The following CASP6 variants were observed in gnomAD, a reference collection of about 807,000 sequenced individuals.
The protein encoded by CASP6 is caspase-6.
CASP6 carries 20 observed loss-of-function variants against 31.8 expected under a neutral mutation model. That is an observed-to-expected ratio of 0.63 (90% CI 0.44 to 0.91). CASP6 has a LOEUF of 0.91. Ranked by LOEUF, CASP6 falls within the 40% of genes least tolerant of loss-of-function variation. The pLI, the probability that CASP6 is intolerant of heterozygous loss-of-function variation, is 0.00. For missense variants in CASP6, 328 were observed against 361.1 expected (o/e 0.91, Z 0.74); for synonymous variants, 130 against 127.8 (o/e 1.02, Z -0.12).
At chr4:109,703,604 C>T (rs945973405), upstream of CASP6, 7 of 610,660 alleles carry the variant, frequency 1.1e-5, no homozygotes, top group Middle Eastern at 4.5e-4. Context: ...GCTCCGGAGC[C>T]CGCGGGGACC....
chr4:109,704,904 A>G (rs908389395), upstream of CASP6, among the ~76,000 whole-genome samples: 1 of 152,164 alleles, frequency 6.6e-6, no homozygotes, highest in African/African-American at 2.4e-5. Context: ...GAGTTTCACC[A>G]TGTTTGGCCA....
downstream of CASP6, chr4:109,688,594 A>G (rs934632382): frequency 5.9e-5 from 9 of 152,244 alleles, no homozygotes; most frequent in African/African-American, 2.2e-4. Flanking sequence ...ACACAAATGA[A>G]CAAGAATGTG....
At chr4:109,696,565 C>T in intron 3 of CASP6, 79 bp from the exon 4 acceptor site, 1 of 872,826 alleles carries the variant, frequency 1.1e-6, no homozygotes, top group Non-Finnish European at 1.8e-6. Context: ...AGAATCTATA[C>T]ACATTTTAAC....
the CASP6 span, chr4:109,664,530 T>A: frequency 1.8e-6 from 1 of 556,280 alleles, no homozygotes; most frequent in Non-Finnish European, 3.2e-6. Flanking sequence ...GCTCAAACAA[T>A]CCTCCCACCT....
chr4:109,690,482 A>G (rs1402584543), intron 6 of CASP6, among the ~76,000 whole-genome samples: 2 of 151,786 alleles, frequency 1.3e-5, no homozygotes, highest in African/African-American at 4.8e-5. Context: ...TGATCATGCC[A>G]TTGCACTTCA....
the CASP6 span, chr4:109,681,587 A>G: frequency 1.0e-4 from 33 of 325,832 alleles, no homozygotes; most frequent in East Asian, 3.2e-3. Context: ...TTACAGCTCT[A>G]TTAGAAGTCG....
At chr4:109,667,641 T>C in the CASP6 span, among the ~76,000 whole-genome samples, 3 of 150,492 alleles carry the variant, frequency 2.0e-5, no homozygotes, top group Non-Finnish European at 3.0e-5. Context: ...GAGTATATTA[T>C]ATACTCTACA....
Position 109,689,581 on chromosome 4 carries a change from G to A in CASP6, c.644-13C>T. The A allele has an allele frequency of 6.2e-7, 1 of 1,607,074 alleles. No individual in the cohort carries two copies. Among genetic ancestry groups the A allele is most frequent in the African/African-American group, 1.3e-5 (1 of 74,852 alleles). ...TGAGAATAATATCCTAAAAAAGTGAGAAGGAAAATGTTGCTGCAGTTTTCT... is the reference window on the plus strand; with the variant it reads ...TGAGAATAATATCCTAAAAAAGTGAAAAGGAAAATGTTGCTGCAGTTTTCT... On this transcript the variant is annotated splice_polypyrimidine_tract_variant and intron_variant, in intron 6 of 6. Transcript: ENST00000265164.
rs547590284 is a variant in CASP6, at chr4:109,701,492, A to C, written c.40+1864T>G. Among the ~76,000 whole-genome samples, 12 of 151,474 alleles carry C rather than the reference A, an allele frequency of 7.9e-5. No individual in the cohort carries two copies. In the East Asian group the frequency reaches 2.4e-3, roughly 30 times the overall value. On this transcript the variant is annotated intron_variant, in intron 1 of 6. Coordinates refer to ENST00000265164, the MANE Select transcript of CASP6 (RefSeq NM_001226.4). ...CGCCCAGGCTGCAGTGCAGTGGCGC[A>C]ATCTTGGCTCACTGCAAGTCCACCT...
chr4:109,683,939 GTTTT>G (rs1441018039), downstream of CASP6, among the ~76,000 whole-genome samples: 3 of 152,074 alleles, frequency 2.0e-5, no homozygotes, highest in Non-Finnish European at 4.4e-5. Flanking sequence ...GTTTTAAAGA[GTTTT>G]ATTAGTGAGC....
chr4:109,682,880 G>A, the CASP6 span: 2 of 609,004 alleles, frequency 3.3e-6, no homozygotes, highest in South Asian at 4.4e-5. Flanking sequence ...TGTAAGTTCA[G>A]TGCTTTTATC....
upstream of CASP6, among the ~76,000 whole-genome samples, chr4:109,706,575 T>C (rs535053904): frequency 1.3e-5 from 2 of 152,106 alleles, no homozygotes; most frequent in Non-Finnish European, 2.9e-5. Context: ...TGAAAGAAGG[T>C]CTGTGGATAA....
the CASP6 span, among the ~76,000 whole-genome samples, chr4:109,681,001 T>G: frequency 6.6e-6 from 1 of 152,130 alleles, no homozygotes; most frequent in Non-Finnish European, 1.5e-5. Flanking sequence ...CAAGAGAACT[T>G]TATATTAAAA....
chr4:109,707,042 G>A (rs1730634922), upstream of CASP6, among the ~76,000 whole-genome samples: 1 of 152,120 alleles, frequency 6.6e-6, no homozygotes, highest in Non-Finnish European at 1.5e-5. Flanking sequence ...TTTATAACTC[G>A]CTGAAGGCTC....
At chr4:109,703,605 C>T, upstream of CASP6, 1 of 608,816 alleles carries the variant, frequency 1.6e-6, no homozygotes, top group Non-Finnish European at 2.8e-6. Flanking sequence ...CTCCGGAGCC[C>T]GCGGGGACCA....
chr4:109,689,276 T>A lies in CASP6; in HGVS notation c.*54A>T, dbSNP rs563601164. 6.4e-7 allele frequency: 1 copy of A among 1,552,594 alleles called. No individual in the cohort carries two copies. Among genetic ancestry groups the A allele is most frequent in the African/African-American group, 1.4e-5 (1 of 73,498 alleles). On this transcript the variant is annotated 3_prime_UTR_variant, in exon 7 of 7. Coordinates refer to ENST00000265164, the MANE Select transcript of CASP6 (RefSeq NM_001226.4). ...GATTACAGGTGTGAGTAACCACGCCTGGCTGAGAAAGCCATTTTCAATACA... is the reference window on the plus strand; with the variant it reads ...GATTACAGGTGTGAGTAACCACGCCAGGCTGAGAAAGCCATTTTCAATACA...
chr4:109,667,747 G>A, the CASP6 span, among the ~76,000 whole-genome samples: 1 of 150,342 alleles, frequency 6.7e-6, no homozygotes, highest in Non-Finnish European at 1.5e-5. Context: ...TATAAGTTCA[G>A]ATCTTATAGA....
At chr4:109,685,842 C>T (rs747827371), downstream of CASP6, among the ~76,000 whole-genome samples, 2 of 152,148 alleles carry the variant, frequency 1.3e-5, no homozygotes, top group Non-Finnish European at 2.9e-5. Context: ...AGTTTGATTT[C>T]GGAGTCTATA....
At chr4:109,683,780 T>C (rs1729769720), downstream of CASP6, among the ~76,000 whole-genome samples, 2 of 152,226 alleles carry the variant, frequency 1.3e-5, no homozygotes, top group South Asian at 2.1e-4. Flanking sequence ...GTTTTGTGTA[T>C]GCAGGTATAT....
Sources: gnomAD v4.1 joint callset for allele counts (sites outside exome capture counted in the v4.1 genomes callset) on GRCh38, gnomAD v4.1.1 for gene constraint, MANE v1.5 for transcripts, NCBI Gene and HGNC (gene_info 2026-07-23, HGNC 2026-07-21) for gene names.